TSC2: variants seen among roughly 807,000 people sequenced by gnomAD.
TSC2 encodes TSC complex subunit 2, also known as tuberin.
In TSC2, 29 loss-of-function variants were observed where a neutral mutation model predicts 202.2. The ratio of observed to expected loss-of-function variants is 0.14; its 90% CI spans 0.11 to 0.20. The LOEUF (loss-of-function observed/expected upper bound fraction) is 0.20. Among genes scored for constraint, TSC2 ranks in the 10% least tolerant of loss-of-function variants. TSC2 has a pLI of 1.00. For missense variants in TSC2, 2,429 were observed against 2,420.0 expected (o/e 1.00, Z -0.08); for synonymous variants, 1,349 against 1,044.0 (o/e 1.29, Z -5.63).
chr16:2,053,267 C>T lies in TSC2; in HGVS notation c.226-75C>T, dbSNP rs987556559. Reference sequence around the variant, plus strand: ...GTTGTTCCTCCCTGTCCTCCGCTCACGGCACTGCTCCAGTTGCCGGGGCCA... The same window carrying T: ...GTTGTTCCTCCCTGTCCTCCGCTCATGGCACTGCTCCAGTTGCCGGGGCCA... On this transcript the variant is annotated intron_variant, in intron 3 of 41. Transcript: ENST00000219476. The T allele has an allele frequency of 3.2e-5, 46 of 1,444,162 alleles. No individual in the cohort carries two copies. In the East Asian group the frequency reaches 4.0e-4, roughly 12 times the overall value. 89.5% of individuals were successfully genotyped at this position (1,444,162 alleles called of 1,614,324 possible).
At chr16:2,071,352 A>C (rs1415464815) in intron 17 of TSC2, 158 bp from the exon 18 acceptor site, 9 of 741,646 alleles carry the variant, frequency 1.2e-5, no homozygotes, top group Non-Finnish European at 2.1e-5. Context: ...TCACCAGGAC[A>C]GAGCCTGTGT....
At chr16:2,087,011 A>G in intron 38 of TSC2, 140 bp downstream of exon 38, 1 of 1,297,646 alleles carries the variant, frequency 7.7e-7, no homozygotes, top group Admixed American at 2.0e-5. Context: ...CCCCGTGGGC[A>G]CGAGCTTCAC....
rs1285778253 is a variant in TSC2, at chr16:2,070,567, A to C, written c.1828A>C (p.Ile610Leu). ...CTACACCCTGCCAATCGCGAGCAGC[A>C]TCCGGCTGCAGGTATGGTGGCTGGG... ...HSYTLPIASS[I>L]RLQAFDFLLL... Residue 610 changes from isoleucine to leucine, a missense_variant, in exon 17 of 42, where the codon ATC (isoleucine) becomes CTC (leucine). Coordinates refer to ENST00000219476, the MANE Select transcript of TSC2 (RefSeq NM_000548.5). 6.2e-7 allele frequency: 1 copy of C among 1,613,128 alleles called. No homozygotes were observed.
At chr16:2,064,196 C>T in intron 14 of TSC2, 76 bp from the exon 15 acceptor site, 2 of 1,609,910 alleles carry the variant, frequency 1.2e-6, no homozygotes, top group South Asian at 2.2e-5. Flanking sequence ...CGGGTCGGTT[C>T]CTGAGGAATT....
In TSC2 at chr16:2,077,726, G is replaced by C. The variant is rs1555509538; in HGVS notation, c.2966G>C (p.Ser989Thr). 1 of 1,612,522 alleles carries C rather than the reference G, an allele frequency of 6.2e-7. No homozygotes were observed. Among genetic ancestry groups the C allele is most frequent in the Non-Finnish European group, 8.5e-7 (1 of 1,180,006 alleles). ...SISVSEHVVRSRIQTSLTSAS... is the reference protein window; with the variant it reads ...SISVSEHVVRTRIQTSLTSAS... Reference sequence around the variant, plus strand: ...AGTGTGTCTGAACATGTGGTCCGCAGGTAGCGGGACTGTCGGGTGGGGGGC... The same window carrying C: ...AGTGTGTCTGAACATGTGGTCCGCACGTAGCGGGACTGTCGGGTGGGGGGC... The change falls in exon 26 of 42, where the codon AGC (serine) becomes ACC (threonine). Residue 989 changes from serine to threonine, a missense_variant and splice_region_variant. Physicochemically the swap from Ser to Thr is moderately conservative, Grantham distance 58 (BLOSUM62 1). Coordinates refer to ENST00000219476, the MANE Select transcript of TSC2 (RefSeq NM_000548.5).
chr16:2,083,845 C>T (rs750498683), intron 33 of TSC2, 29 bp downstream of exon 33: 3 of 1,601,806 alleles, frequency 1.9e-6, no homozygotes, highest in African/African-American at 1.3e-5. Context: ...CTGGACCCTG[C>T]TGACCTCGGG....
Position 2,083,750 on chromosome 16 carries a change from GC to G in TSC2, c.3944del (p.Pro1315GlnfsTer10). The G allele has an allele frequency of 6.2e-7, 1 of 1,608,040 alleles. No homozygotes were observed. The highest frequency in any genetic ancestry group is 8.5e-7 in the Non-Finnish European group (1 of 1,178,268). On this transcript the variant is annotated frameshift_variant, in exon 33 of 42. Coordinates refer to ENST00000219476, the MANE Select transcript of TSC2 (RefSeq NM_000548.5). LOFTEE classifies it high-confidence loss of function. The stretch of plus-strand genomic sequence containing the variant: ...CGGGCGAGGTTCCTGTGCTGGTGGA[GC>G]CCCCAGGGTTGGAGGACGTTGAGGC... ...SPGEVPVLVE[P>X]PGLEDVEAAL...
At chr16:2,048,387 C>G (rs2084630990) in intron 1 of TSC2, 200 bp from the exon 2 acceptor site, 9 of 849,934 alleles carry the variant, frequency 1.1e-5, no homozygotes, top group Non-Finnish European at 1.6e-5. Context: ...GCTCTCTAGA[C>G]CAGGCCTGGT....
intron 30 of TSC2, 129 bp from the exon 31 acceptor site, chr16:2,081,466 C>A: frequency 8.2e-7 from 1 of 1,219,784 alleles, no homozygotes; most frequent in Non-Finnish European, 1.2e-6. Context: ...GCTCCGACAT[C>A]GTGGTCCTGA....
At position 2,074,230 on chromosome 16, in the gene TSC2, C is replaced by G. The variant is rs1596356291; in HGVS notation, c.2386C>G (p.Leu796Val). 6.2e-7 allele frequency: 1 copy of G among 1,612,184 alleles called. No homozygotes were observed. The highest frequency in any genetic ancestry group is 8.5e-7 in the Non-Finnish European group (1 of 1,179,990). The change falls in exon 22 of 42, where the codon CTC becomes GTC. Residue 796 changes from leucine (L) to valine (V), a missense_variant. Physicochemically the swap from Leu to Val is conservative, Grantham distance 32. Coordinates refer to ENST00000219476, the MANE Select transcript of TSC2 (RefSeq NM_000548.5). ...GATGGTCTACTGCCTGGAGCAGGGC[C>G]TCATCCACCGCTGTGCCAGCCAGTG... Reference protein sequence around the residue: ...REMVYCLEQGLIHRCASQCVV... With the variant: ...REMVYCLEQGVIHRCASQCVV...
In TSC2 at chr16:2,077,431, C is replaced by T. The variant is rs1015010113; in HGVS notation, c.2838-167C>T. ...GCATTTTTGTTTTCTGTCTCTTCCC[C>T]GCTAACTGCCCTTTGGCATGGCTCT... is the stretch of plus-strand genomic sequence containing the variant. On this transcript the variant is annotated intron_variant, in intron 25 of 41. Coordinates refer to ENST00000219476, the MANE Select transcript of TSC2 (RefSeq NM_000548.5). 2.7e-5 allele frequency: 26 copies of T among 963,756 alleles called. No individual in the cohort carries two copies. The highest frequency in any genetic ancestry group is 4.8e-5 in the East Asian group (2 of 41,496). The allele number at this position is 963,756 out of a possible 1,614,324, so 59.7% of individuals were successfully genotyped here.
intron 9 of TSC2, 62 bp downstream of exon 9, chr16:2,057,240 G>T: frequency 1.3e-6 from 2 of 1,541,008 alleles, no homozygotes; most frequent in Non-Finnish European, 1.8e-6. Flanking sequence ...GGCAGCTCCA[G>T]TGTCCCTTGC....
chr16:2,087,488 G>C (rs1049837830), intron 38 of TSC2, among the ~76,000 whole-genome samples: 12 of 84,784 alleles, frequency 1.4e-4, no homozygotes, highest in South Asian at 7.5e-4. Flanking sequence ...AACCAGTTGG[G>C]GGGGGGGGGG....
Position 2,076,809 on chromosome 16 carries a change from C to T in TSC2, c.2837+224C>T, listed in dbSNP as rs918048436. On this transcript the variant is annotated intron_variant, in intron 25 of 41. Coordinates refer to ENST00000219476, the MANE Select transcript of TSC2 (RefSeq NM_000548.5). ...GGGCTGCGTGTGCCACGGGCACCTA[C>T]TTGTGGAATTGGGGGTTGGGGTGCA... 4.0e-5 allele frequency: 23 copies of T among 575,984 alleles called. No homozygotes were observed. The African/African-American group carries it at 4.1e-4, about 10-fold the overall frequency. The allele number at this position is 575,984 out of a possible 1,614,324, so 35.7% of individuals were successfully genotyped here. A position where few individuals can be genotyped will look rare whatever the true frequency, so the allele number is the denominator to read the frequency against.
In TSC2 at chr16:2,056,446, A is replaced by G. The variant is rs187353366; in HGVS notation, c.649-198A>G. Among the ~76,000 whole-genome samples, 571 of 152,344 alleles carry G rather than the reference A, an allele frequency of 3.7e-3. 2 individuals carry two copies. The highest frequency in any genetic ancestry group is 0.013 in the African/African-American group (537 of 41,592). ...GGAGATGTAGCTCAGGGTGGATGAC[A>G]GCATCAATGACCCACAGTGACAGGG... is the stretch of plus-strand genomic sequence containing the variant. On this transcript the variant is annotated intron_variant, in intron 7 of 41. Transcript: ENST00000219476.
intron 38 of TSC2, 61 bp downstream of exon 38, chr16:2,086,932 G>A (rs1386920089): frequency 6.5e-7 from 1 of 1,547,618 alleles, no homozygotes; most frequent in Non-Finnish European, 8.7e-7. Flanking sequence ...TGTGTCCCGG[G>A]TTGGTGGCAG....
chr16:2,048,512 C>T (rs988112135), intron 1 of TSC2, 75 bp from the exon 2 acceptor site: 40 of 1,581,706 alleles, frequency 2.5e-5, no homozygotes, highest in Non-Finnish European at 6.9e-6. Context: ...AGGGTCCTGA[C>T]GGCTGGAGGT....
intron 33 of TSC2, 38 bp downstream of exon 33, chr16:2,083,854 G>T: frequency 6.3e-7 from 1 of 1,595,524 alleles, no homozygotes. Flanking sequence ...GCTGACCTCG[G>T]GGGGCTCCTT....
chr16:2,063,168 C>T (rs1418575889), intron 14 of TSC2, 115 bp downstream of exon 14: 2 of 1,272,534 alleles, frequency 1.6e-6, no homozygotes, highest in Non-Finnish European at 2.2e-6. Context: ...TTCGGTCCTG[C>T]CGGACCCTCT....
Sources: allele counts gnomAD v4.1 joint callset (sites outside exome capture counted in the v4.1 genomes callset), GRCh38; gene constraint gnomAD v4.1.1; transcripts MANE v1.5; gene names NCBI Gene and HGNC (gene_info 2026-07-23, HGNC 2026-07-21).